The following DLG2 variants were observed in gnomAD, a reference collection of about 807,000 sequenced individuals.
DLG2 encodes disks large homolog 2.
DLG2 carries 45 observed loss-of-function variants against 132.5 expected under a neutral mutation model. The ratio of observed to expected loss-of-function variants is 0.34; its 90% CI spans 0.27 to 0.44. The LOEUF (loss-of-function observed/expected upper bound fraction) is 0.44, where lower values mean the gene tolerates loss of function less well. Ranked by LOEUF, DLG2 falls within the 20% of genes least tolerant of loss-of-function variation. The pLI is 1.00. For missense variants in DLG2, 1,045 were observed against 1,196.9 expected (o/e 0.87, Z 1.87); for synonymous variants, 424 against 419.6 (o/e 1.01, Z -0.13).
intron 3 of DLG2, among the ~76,000 whole-genome samples, chr11:85,560,771 C>T (rs971561709): frequency 1.3e-4 from 19 of 151,862 alleles, no homozygotes; most frequent in Admixed American, 8.5e-4. Flanking sequence ...GTGGCTTATG[C>T]CTGTAATCCC....
chr11:83,974,938 A>G (rs889119039), intron 12 of DLG2, among the ~76,000 whole-genome samples: 5 of 152,066 alleles, frequency 3.3e-5, no homozygotes, highest in African/African-American at 9.7e-5. Flanking sequence ...TAAAAGGTAT[A>G]AAAGTTCTCT....
intron 3 of DLG2, among the ~76,000 whole-genome samples, chr11:85,312,122 T>C (rs1449731119): frequency 3.3e-5 from 5 of 152,040 alleles, no homozygotes; most frequent in Admixed American, 1.3e-4. Flanking sequence ...CATTCCTCTA[T>C]AGTAAAATGT....
At chr11:84,809,154 T>A (rs1172951297) in intron 6 of DLG2, among the ~76,000 whole-genome samples, 2 of 151,938 alleles carry the variant, frequency 1.3e-5, no homozygotes, top group Non-Finnish European at 2.9e-5. Flanking sequence ...ATCCGTGTAC[T>A]CAACAATATA....
intron 6 of DLG2, among the ~76,000 whole-genome samples, chr11:84,947,965 G>C (rs900960538): frequency 3.3e-5 from 5 of 152,212 alleles, no homozygotes; most frequent in Admixed American, 1.3e-4. Context: ...ACAAAGAGAA[G>C]TGTACTGGGC....
chr11:85,573,056 C>T (rs1216479242), intron 3 of DLG2, among the ~76,000 whole-genome samples: 1 of 152,096 alleles, frequency 6.6e-6, no homozygotes, highest in Non-Finnish European at 1.5e-5. Flanking sequence ...CGTACACTCT[C>T]TCTTGATCCT....
At chr11:84,714,636 TCTCTC>T (rs2060966465) in intron 6 of DLG2, among the ~76,000 whole-genome samples, 1 of 145,388 alleles carries the variant, frequency 6.9e-6, no homozygotes, top group Non-Finnish European at 1.5e-5. Context: ...TCTCTCTCTC[TCTCTC>T]TCTCTTTCTC....
intron 3 of DLG2, among the ~76,000 whole-genome samples, chr11:85,548,526 G>A (rs2076469738): frequency 6.6e-6 from 1 of 152,230 alleles, no homozygotes; most frequent in Non-Finnish European, 1.5e-5. Context: ...TGTGCTGTGA[G>A]ATCCACTGCT....
intron 18 of DLG2, among the ~76,000 whole-genome samples, chr11:83,780,636 C>T (rs988811024): frequency 7.2e-5 from 11 of 152,074 alleles, no homozygotes; most frequent in Non-Finnish European, 1.0e-4. Context: ...CAATGAAGCC[C>T]GAATAGGTTC....
intron 21 of DLG2, among the ~76,000 whole-genome samples, chr11:83,508,055 G>C (rs971125279): frequency 5.9e-5 from 9 of 151,780 alleles, no homozygotes; most frequent in Non-Finnish European, 5.9e-5. Flanking sequence ...TACCCACCCA[G>C]ATTAAGGGTG....
intron 7 of DLG2, among the ~76,000 whole-genome samples, chr11:84,304,499 A>C (rs1177598121): frequency 2.0e-5 from 3 of 152,216 alleles, no homozygotes; most frequent in Non-Finnish European, 4.4e-5. Context: ...AAAGCCGATA[A>C]CCTAGCACAG....
chr11:84,857,488 G>C (rs1357636736), intron 6 of DLG2, among the ~76,000 whole-genome samples: 1 of 151,850 alleles, frequency 6.6e-6, no homozygotes, highest in East Asian at 1.9e-4. Context: ...TCAGTCTATG[G>C]AAAAGAGAAG....
chr11:83,708,279 C>A (rs2084537726), intron 18 of DLG2, among the ~76,000 whole-genome samples: 1 of 152,264 alleles, frequency 6.6e-6, no homozygotes, highest in South Asian at 2.1e-4. Context: ...AGTACCTGTA[C>A]ACAGTGATGC....
intron 7 of DLG2, among the ~76,000 whole-genome samples, chr11:84,506,137 G>A (rs937241427): frequency 5.0e-5 from 7 of 140,886 alleles, no homozygotes; most frequent in Admixed American, 2.8e-4. Flanking sequence ...GTGCAGTGGC[G>A]GGATCTCGGC....
At chr11:84,467,574 T>C (rs1223834591) in intron 7 of DLG2, among the ~76,000 whole-genome samples, 1 of 151,328 alleles carries the variant, frequency 6.6e-6, no homozygotes, top group Non-Finnish European at 1.5e-5. Context: ...GCCAGTGGCA[T>C]AGGAGAAAGT....
intron 10 of DLG2, among the ~76,000 whole-genome samples, chr11:84,064,744 C>T (rs931696710): frequency 2.0e-5 from 3 of 151,964 alleles, no homozygotes; most frequent in Admixed American, 6.6e-5. Context: ...GAGCTACAGT[C>T]AAGATGCTGA....
chr11:83,743,429 ATTTT>A (rs35572754), intron 18 of DLG2, among the ~76,000 whole-genome samples: 5,669 of 103,770 alleles, frequency 0.055, 245 homozygotes, highest in Middle Eastern at 0.14. Context: ...TGGGCAGGCC[ATTTT>A]TTTTTTTTTT....
chr11:85,477,604 T>A (rs575286382), intron 3 of DLG2, among the ~76,000 whole-genome samples: 1 of 152,354 alleles, frequency 6.6e-6, no homozygotes, highest in African/African-American at 2.4e-5. Context: ...AATTGCTGTA[T>A]GTTCTTTAGG....
intron 10 of DLG2, among the ~76,000 whole-genome samples, chr11:84,085,666 C>G (rs2096967125): frequency 1.3e-5 from 2 of 152,178 alleles, no homozygotes. Context: ...ATCTTGTTAA[C>G]TTTTAGTCTG....
At chr11:83,737,776 A>T (rs1190749102) in intron 18 of DLG2, among the ~76,000 whole-genome samples, 7 of 152,194 alleles carry the variant, frequency 4.6e-5, no homozygotes, top group Admixed American at 3.3e-4. Flanking sequence ...ACACTGTGAA[A>T]CCCCAATTCT....
Sources: gnomAD v4.1 joint callset for allele counts (sites outside exome capture counted in the v4.1 genomes callset) on GRCh38, gnomAD v4.1.1 for gene constraint, MANE v1.5 for transcripts, NCBI Gene and HGNC (gene_info 2026-07-23, HGNC 2026-07-21) for gene names.